The following NR2C2 variants were observed in gnomAD, a reference collection of about 807,000 sequenced individuals.
NR2C2 encodes the protein nuclear receptor subfamily 2 group C member 2.
A neutral mutation model predicts 62.9 loss-of-function variants in NR2C2; 6 were observed. The ratio of observed to expected loss-of-function variants is 0.10; its 90% CI spans 0.05 to 0.19. The LOEUF (loss-of-function observed/expected upper bound fraction) is 0.19, where lower values mean the gene tolerates loss of function less well. Among genes scored for constraint, NR2C2 ranks in the 10% least tolerant of loss-of-function variants. The probability of loss-of-function intolerance (pLI) is 1.00; values close to 1 mark genes in which losing one functional copy is unlikely to be tolerated. For missense variants in NR2C2, 479 were observed against 762.7 expected (o/e 0.63, Z 4.38); for synonymous variants, 272 against 273.8 (o/e 0.99, Z 0.07).
intron 1 of NR2C2, among the ~76,000 whole-genome samples, chr3:14,993,409 G>A (rs1467429806): frequency 6.6e-6 from 1 of 150,846 alleles, no homozygotes; most frequent in African/African-American, 2.4e-5. Flanking sequence ...AGCCGAAGCT[G>A]CATCACTGCA....
At chr3:15,029,796 GAT>G (rs1559303916) in intron 8 of NR2C2, among the ~76,000 whole-genome samples, 82 of 84,242 alleles carry the variant, frequency 9.7e-4, no homozygotes, top group Admixed American at 3.5e-3. Context: ...ATAAATAATA[GAT>G]AGATAGATAG....
rs1044596381 is a variant in NR2C2, at chr3:15,006,360, A to G, written c.72+2374A>G. 3.1e-4 allele frequency among the ~76,000 whole-genome samples: 47 copies of G among 152,238 alleles called. 4 individuals carry two copies. The highest frequency in any genetic ancestry group is 2.1e-3 in the South Asian group (10 of 4,830). ...TTTTTACCCTTTTTATTTTTAGTCAATAATCTTTGCTATTATCTTTTGGTA... is the reference window on the plus strand; with the variant it reads ...TTTTTACCCTTTTTATTTTTAGTCAGTAATCTTTGCTATTATCTTTTGGTA... On this transcript the variant is annotated intron_variant, in intron 2 of 13. Transcript: ENST00000425241.
intron 1 of NR2C2, among the ~76,000 whole-genome samples, chr3:14,956,831 G>A (rs868066247): frequency 6.6e-6 from 1 of 152,222 alleles, no homozygotes; most frequent in Non-Finnish European, 1.5e-5. Context: ...ATGAGCCACC[G>A]CCCCGGCTGT....
chr3:15,009,304 G>A (rs1421935275), intron 2 of NR2C2, among the ~76,000 whole-genome samples: 1 of 152,076 alleles, frequency 6.6e-6, no homozygotes, highest in East Asian at 1.9e-4. Context: ...GGAGGATTGC[G>A]TCTCATGAGT....
chr3:15,016,720 C>T (rs1356377872), intron 4 of NR2C2, among the ~76,000 whole-genome samples: 4 of 152,158 alleles, frequency 2.6e-5, no homozygotes, highest in Admixed American at 2.6e-4. Context: ...GGAAAGGCCC[C>T]ACAGAGGCAG....
chr3:14,992,532 G>T (rs2040701030), intron 1 of NR2C2, among the ~76,000 whole-genome samples: 1 of 152,142 alleles, frequency 6.6e-6, no homozygotes, highest in Non-Finnish European at 1.5e-5. Flanking sequence ...CCTAATATGT[G>T]CCTGGCCTTG....
chr3:15,000,628 T>A (rs1354737721), intron 1 of NR2C2, among the ~76,000 whole-genome samples: 3 of 152,176 alleles, frequency 2.0e-5, no homozygotes, highest in Non-Finnish European at 4.4e-5. Flanking sequence ...AACTTTGTTC[T>A]TTTTCAAGAT....
chr3:14,969,244 C>CTTTTTT (rs35048015), intron 1 of NR2C2, among the ~76,000 whole-genome samples: 1 of 125,816 alleles, frequency 7.9e-6, no homozygotes, highest in Admixed American at 8.3e-5. Flanking sequence ...AATAAAGATT[C>CTTTTTT]TTTTTTTTTT....
In NR2C2 at chr3:15,024,157, G is replaced by A. The variant is rs769455192; in HGVS notation, c.747G>A (p.Gln249=). The A allele has an allele frequency of 1.2e-6, 2 of 1,612,812 alleles. No homozygotes were observed. Among genetic ancestry groups the A allele is most frequent in the Admixed American group, 3.3e-5 (2 of 59,840 alleles). Residue 249 remains glutamine, a synonymous_variant, in exon 7 of 14, where the codon CAG becomes CAA. Coordinates refer to ENST00000425241, the MANE Select transcript of NR2C2 (RefSeq NM_001291694.2). ...ATCCAGGGATGCTTGTGAACATCCAGCAGCCTTTGATACGTGAGGATGGTA... is the reference window on the plus strand; with the variant it reads ...ATCCAGGGATGCTTGTGAACATCCAACAGCCTTTGATACGTGAGGATGGTA... The part of the protein sequence containing the change: ...LLDPGMLVNI[Q]QPLIREDGTV...
At chr3:15,022,398 CTTTTTT>C (rs71038450) in intron 5 of NR2C2, among the ~76,000 whole-genome samples, 2 of 89,142 alleles carry the variant, frequency 2.2e-5, no homozygotes, top group Admixed American at 1.4e-4. Context: ...CTTTTTCTTT[CTTTTTT>C]TTTTTTTTTT....
intron 1 of NR2C2, among the ~76,000 whole-genome samples, chr3:14,986,078 A>G (rs1446731696): frequency 6.6e-6 from 1 of 152,158 alleles, no homozygotes; most frequent in African/African-American, 2.4e-5. Flanking sequence ...AGGGGTTTCC[A>G]ATTCCTTCAG....
chr3:14,976,984 C>A (rs1350617334), intron 1 of NR2C2, among the ~76,000 whole-genome samples: 4 of 152,108 alleles, frequency 2.6e-5, no homozygotes, highest in African/African-American at 9.7e-5. Flanking sequence ...TGATACCGTG[C>A]ACTCAGAGGG....
At chr3:14,958,506 G>A (rs28478240) in intron 1 of NR2C2, among the ~76,000 whole-genome samples, 9,429 of 152,188 alleles carry the variant, frequency 0.062, 1,012 homozygotes, top group African/African-American at 0.21. Flanking sequence ...CCAAGAGCGA[G>A]TTTAGTGTTC....
chr3:14,972,835 G>T (rs1448212722), intron 1 of NR2C2, among the ~76,000 whole-genome samples: 1 of 152,010 alleles, frequency 6.6e-6, no homozygotes, highest in Non-Finnish European at 1.5e-5. Context: ...CCAAGAGAGT[G>T]GGGGGAGGTG....
At chr3:14,967,444 A>T (rs1490982332) in intron 1 of NR2C2, among the ~76,000 whole-genome samples, 1 of 152,148 alleles carries the variant, frequency 6.6e-6, no homozygotes, top group Non-Finnish European at 1.5e-5. Flanking sequence ...CTGGAAAGGA[A>T]GTGGAAAAAT....
chr3:15,000,612 A>ACCTCCAACTTTGTTCTT (rs1453457272), intron 1 of NR2C2, among the ~76,000 whole-genome samples: 1 of 151,960 alleles, frequency 6.6e-6, no homozygotes, highest in Non-Finnish European at 1.5e-5. Flanking sequence ...GAAGTGTGAG[A>ACCTCCAACTTTGTTCTT]CCTCCAACTT....
At chr3:14,999,635 T>G (rs1286623399) in intron 1 of NR2C2, among the ~76,000 whole-genome samples, 3 of 152,222 alleles carry the variant, frequency 2.0e-5, no homozygotes, top group Admixed American at 2.0e-4. Flanking sequence ...TTTTATAGTT[T>G]TAACTCTTAC....
In NR2C2 at chr3:15,042,755, G is replaced by A. The variant is rs188277307; in HGVS notation, c.1617-79G>A. On this transcript the variant is annotated intron_variant, in intron 13 of 13. Transcript: ENST00000425241. ...TGGTTTGATTCTGTGCAATACAGAC[G>A]GGACCCCAGGAGCCTTTGCTGAGCT... is the stretch of plus-strand genomic sequence containing the variant. 5.6e-4 allele frequency: 746 copies of A among 1,338,332 alleles called. 1 individual carries two copies. Among genetic ancestry groups the A allele is most frequent in the Middle Eastern group, 4.1e-3 (19 of 4,678 alleles). The allele number at this position is 1,338,332 out of a possible 1,614,324, so 82.9% of individuals were successfully genotyped here.
At chr3:14,956,932 T>C (rs2039543845) in intron 1 of NR2C2, among the ~76,000 whole-genome samples, 1 of 152,228 alleles carries the variant, frequency 6.6e-6, no homozygotes, top group African/African-American at 2.4e-5. Context: ...ATAATACACA[T>C]TTTACAGTTT....
Sources: allele counts gnomAD v4.1 joint callset (sites outside exome capture counted in the v4.1 genomes callset), GRCh38; gene constraint gnomAD v4.1.1; transcripts MANE v1.5; gene names NCBI Gene and HGNC (gene_info 2026-07-23, HGNC 2026-07-21).